Variants in SMCP observed in about 807,000 individuals in gnomAD.
The protein encoded by SMCP is sperm mitochondria associated cysteine rich protein.
For missense variants in SMCP, 137 were observed against 137.1 expected (o/e 1.00, Z 0.01); for synonymous variants, 41 against 46.9 (o/e 0.87, Z 0.51).
chr1:152,879,938 C>T (rs1384957049), intron 1 of SMCP, among the ~76,000 whole-genome samples: 1 of 152,108 alleles, frequency 6.6e-6, no homozygotes, highest in African/African-American at 2.4e-5. Context: ...AGAATTGCTT[C>T]TGTAGAAACA....
Position 152,884,850 on chromosome 1 carries a change from T to A in SMCP, c.*77T>A. 7.5e-7 allele frequency: 1 copy of A among 1,329,734 alleles called. No homozygotes were observed. The highest frequency in any genetic ancestry group is 1.1e-6 in the Non-Finnish European group (1 of 948,798). 82.4% of individuals were successfully genotyped at this position (1,329,734 alleles called of 1,614,324 possible). A position where few individuals can be genotyped will look rare whatever the true frequency, so the allele number is the denominator to read the frequency against. On this transcript the variant is annotated 3_prime_UTR_variant, in exon 2 of 2. Coordinates refer to ENST00000368765, the MANE Select transcript of SMCP (RefSeq NM_030663.3). ...TTGTAGGGTGGGGGATTACTGAGAGTCAGGCTAGACCTGTGTTTAGAGAAG... is the reference window on the plus strand; with the variant it reads ...TTGTAGGGTGGGGGATTACTGAGAGACAGGCTAGACCTGTGTTTAGAGAAG...
At position 152,884,572 on chromosome 1, in the gene SMCP, C is replaced by T; in HGVS notation, c.150C>T (p.Cys50=). Reference sequence around the variant, plus strand: ...GCTGCCAGCCAAAAGGCAGTCAATGCTGCCCACCAAAACACAATCACTGCT... The same window carrying T: ...GCTGCCAGCCAAAAGGCAGTCAATGTTGCCCACCAAAACACAATCACTGCT... ...NQCCQPKGSQ[C]CPPKHNHCCQ... The change falls in exon 2 of 2, where the codon TGC becomes TGT. Residue 50 remains cysteine, a synonymous_variant. Coordinates refer to ENST00000368765, the MANE Select transcript of SMCP (RefSeq NM_030663.3). 1 of 1,614,194 alleles carries T rather than the reference C, an allele frequency of 6.2e-7. No individual in the cohort carries two copies. The highest frequency in any genetic ancestry group is 8.5e-7 in the Non-Finnish European group (1 of 1,180,032).
In SMCP at chr1:152,884,650, C is replaced by T. The variant is rs375263506; in HGVS notation, c.228C>T (p.Thr76=). ...CIQARCCGLE[T]KPEVSPLNME... is the part of the protein sequence containing the mutation. ...AGGCCAGGTGCTGTGGTTTGGAGAC[C>T]AAGCCTGAAGTCTCACCCCTTAACA... Residue 76 remains threonine (T), a synonymous_variant, in exon 2 of 2, where the codon ACC becomes ACT. Coordinates refer to ENST00000368765, the MANE Select transcript of SMCP (RefSeq NM_030663.3). The T allele has an allele frequency of 1.6e-5, 26 of 1,614,032 alleles. No homozygotes were observed. Among genetic ancestry groups the T allele is most frequent in the Middle Eastern group, 1.6e-4 (1 of 6,084 alleles).
At chr1:152,884,338 A>G (rs1433459332) in intron 1 of SMCP, 65 bp from the exon 2 acceptor site, 2 of 1,343,286 alleles carry the variant, frequency 1.5e-6, no homozygotes, top group African/African-American at 1.5e-5. Flanking sequence ...GGGTGTCAAG[A>G]AAGGAGGAAA....
At chr1:152,884,296 T>C in intron 1 of SMCP, 107 bp from the exon 2 acceptor site, 3 of 997,834 alleles carry the variant, frequency 3.0e-6, no homozygotes, top group Non-Finnish European at 4.4e-6. Context: ...TCAACCCTGG[T>C]CTGAGTCATT....
intron 1 of SMCP, among the ~76,000 whole-genome samples, chr1:152,879,974 A>T (rs1167149099): frequency 6.6e-6 from 1 of 152,110 alleles, no homozygotes; most frequent in Non-Finnish European, 1.5e-5. Context: ...GTAAAGATGG[A>T]CACTAACAAA....
intron 1 of SMCP, among the ~76,000 whole-genome samples, chr1:152,881,005 GAT>G: frequency 0.01 from 1 of 96 alleles, no homozygotes; most frequent in Admixed American, 0.083. Context: ...GAAACCCTGA[GAT>G]GAGGCTCCAA....
chr1:152,881,858 G>A (rs1649065186), intron 1 of SMCP, among the ~76,000 whole-genome samples: 1 of 152,230 alleles, frequency 6.6e-6, no homozygotes, highest in Non-Finnish European at 1.5e-5. Flanking sequence ...GGAGAGAGAA[G>A]TAAGAACAGG....
intron 1 of SMCP, among the ~76,000 whole-genome samples, chr1:152,882,982 T>G (rs536868114): frequency 6.6e-6 from 1 of 152,270 alleles, no homozygotes; most frequent in Admixed American, 6.5e-5. Flanking sequence ...AGGCAGAGGT[T>G]GCAGTGAGCT....
intron 1 of SMCP, among the ~76,000 whole-genome samples, chr1:152,880,067 G>A (rs1309399285): frequency 6.6e-6 from 1 of 151,998 alleles, no homozygotes; most frequent in Non-Finnish European, 1.5e-5. Context: ...GTAAACCAGA[G>A]ACAAAAGACA....
At chr1:152,879,222 C>A (rs73006590) in intron 1 of SMCP, among the ~76,000 whole-genome samples, 18,056 of 152,038 alleles carry the variant, frequency 0.12, 2,694 homozygotes, top group East Asian at 0.52. Flanking sequence ...TTGTTTGTTT[C>A]TTTTTATTTA....
chr1:152,880,305 C>T (rs1017116542), intron 1 of SMCP, among the ~76,000 whole-genome samples: 3 of 152,296 alleles, frequency 2.0e-5, no homozygotes, highest in African/African-American at 7.2e-5. Context: ...CATACCCCGG[C>T]ACACCCAAAT....
chr1:152,884,004 C>T (rs1411307278), intron 1 of SMCP, among the ~76,000 whole-genome samples: 2 of 152,142 alleles, frequency 1.3e-5, no homozygotes, highest in Non-Finnish European at 2.9e-5. Flanking sequence ...CAGTGGTCCT[C>T]ATATGAAGTG....
intron 1 of SMCP, among the ~76,000 whole-genome samples, chr1:152,882,270 C>T (rs922667410): frequency 6.6e-6 from 1 of 152,188 alleles, no homozygotes; most frequent in Non-Finnish European, 1.5e-5. Context: ...TGTGTCCGGC[C>T]CTCCCCCAGA....
chr1:152,882,490 G>A (rs1649085215), intron 1 of SMCP, among the ~76,000 whole-genome samples: 1 of 152,184 alleles, frequency 6.6e-6, no homozygotes, highest in Non-Finnish European at 1.5e-5. Context: ...AGAAGGCCAG[G>A]ACAGAGGCTG....
At chr1:152,883,960 CACTT>C (rs1198607662) in intron 1 of SMCP, among the ~76,000 whole-genome samples, 1 of 152,174 alleles carries the variant, frequency 6.6e-6, no homozygotes, top group Non-Finnish European at 1.5e-5. Context: ...TGGCTTGAAT[CACTT>C]ACAAGCAACT....
chr1:152,884,445 G>A lies in SMCP; in HGVS notation c.23G>A (p.Ser8Asn). 6.2e-7 allele frequency: 1 copy of A among 1,614,196 alleles called. No homozygotes were observed. The highest frequency in any genetic ancestry group is 8.5e-7 in the Non-Finnish European group (1 of 1,180,038). Residue 8 changes from serine to asparagine, a missense_variant, in exon 2 of 2, where the codon AGT becomes AAT. Ser to Asn is a conservative substitution (Grantham distance 46). Coordinates refer to ENST00000368765, the MANE Select transcript of SMCP (RefSeq NM_030663.3). Reference protein sequence around the residue: MCDQTKHSKCCPAKGNQC... With the variant: MCDQTKHNKCCPAKGNQC... ...AAGATGTGTGACCAGACAAAACACA[G>A]TAAATGCTGCCCAGCAAAAGGCAAT...
chr1:152,883,665 G>A (rs903439365), intron 1 of SMCP, among the ~76,000 whole-genome samples: 1 of 152,178 alleles, frequency 6.6e-6, no homozygotes, highest in East Asian at 1.9e-4. Context: ...CCCCTTTATA[G>A]AGGAAGAGGT....
chr1:152,880,409 G>A (rs540641006), intron 1 of SMCP, among the ~76,000 whole-genome samples: 3 of 152,274 alleles, frequency 2.0e-5, no homozygotes, highest in Admixed American at 6.5e-5. Context: ...TTTGAACACT[G>A]CAAAGGTGGT....
Sources: gnomAD v4.1 joint callset for allele counts (sites outside exome capture counted in the v4.1 genomes callset) on GRCh38, gnomAD v4.1.1 for gene constraint, MANE v1.5 for transcripts, NCBI Gene and HGNC (gene_info 2026-07-23, HGNC 2026-07-21) for gene names.